The following OPHN1 variants were observed in gnomAD, a reference collection of about 807,000 sequenced individuals.
OPHN1 encodes oligophrenin 1.
A neutral mutation model predicts 60.7 loss-of-function variants in OPHN1; 11 were observed. The observed-to-expected ratio is 0.18, with a 90% CI of 0.11 to 0.30. OPHN1 has a LOEUF of 0.30. Ranked by LOEUF, OPHN1 falls within the 10% of genes least tolerant of loss-of-function variation. OPHN1 has a pLI of 1.00. For synonymous variants in OPHN1, 226 were observed against 222.6 expected (o/e 1.02, Z -0.14); for missense variants, 449 against 611.0 (o/e 0.73, Z 2.80).
intron 11 of OPHN1, among the ~76,000 whole-genome samples, chrX:68,198,196 G>A (rs1045384790): frequency 3.6e-5 from 4 of 111,630 alleles, no homozygotes; most frequent in African/African-American, 1.3e-4. Context: ...TAGGAGGTGA[G>A]TTAGTCATAA....
intron 3 of OPHN1, among the ~76,000 whole-genome samples, chrX:68,298,235 G>T (rs2147626266): frequency 9.0e-6 from 1 of 111,454 alleles, no homozygotes; most frequent in East Asian, 2.8e-4. Flanking sequence ...CCATCCAGTG[G>T]TGGTCACTAA....
intron 6 of OPHN1, among the ~76,000 whole-genome samples, chrX:68,230,346 G>A (rs2077721583): frequency 9.0e-6 from 1 of 111,703 alleles, no homozygotes; most frequent in Admixed American, 9.5e-5. Flanking sequence ...CATTGTGGAA[G>A]GCAGTGTGGT....
chrX:68,273,642 T>C (rs925397823), intron 5 of OPHN1, among the ~76,000 whole-genome samples: 1 of 111,700 alleles, frequency 9.0e-6, no homozygotes, highest in African/African-American at 3.3e-5. Context: ...AGGAGCTGAG[T>C]TGTTAATTTA....
chrX:68,212,041 A>G, intron 8 of OPHN1, 67 bp downstream of exon 8: 6 of 782,139 alleles, frequency 7.7e-6, no homozygotes, highest in South Asian at 2.2e-5. Context: ...CCAAGAATCA[A>G]GGTCGCTAGG....
At chrX:68,201,573 C>T in intron 11 of OPHN1, 46 bp downstream of exon 11, 1 of 1,039,607 alleles carries the variant, frequency 9.6e-7, no homozygotes, top group Non-Finnish European at 1.4e-6. Context: ...CCAGGCTAAG[C>T]ATCTGGCACG....
At chrX:68,169,403 C>T (rs1234104842) in intron 15 of OPHN1, among the ~76,000 whole-genome samples, 1 of 110,763 alleles carries the variant, frequency 9.0e-6, no homozygotes, top group Non-Finnish European at 1.9e-5. Context: ...CTACCAATGA[C>T]TTTCTTCACA....
At chrX:68,208,390 A>T (rs2077569725) in intron 9 of OPHN1, among the ~76,000 whole-genome samples, 1 of 111,787 alleles carries the variant, frequency 8.9e-6, no homozygotes, top group Non-Finnish European at 1.9e-5. Flanking sequence ...GTGCCCGGCC[A>T]TTCCTCCTTT....
intron 19 of OPHN1, among the ~76,000 whole-genome samples, chrX:68,093,412 T>C (rs1365497293): frequency 9.0e-6 from 1 of 111,670 alleles, no homozygotes; most frequent in African/African-American, 3.3e-5. Flanking sequence ...TGTGTGGACA[T>C]GTTTTCATTT....
At chrX:68,069,037 T>C (rs965814142) in intron 20 of OPHN1, among the ~76,000 whole-genome samples, 1 of 111,907 alleles carries the variant, frequency 8.9e-6, no homozygotes, top group Non-Finnish European at 1.9e-5. Context: ...TTTAAAATGG[T>C]GCATTTTATG....
At chrX:68,137,674 G>A (rs948614395) in intron 15 of OPHN1, among the ~76,000 whole-genome samples, 2 of 111,849 alleles carry the variant, frequency 1.8e-5, no homozygotes, top group Non-Finnish European at 3.8e-5. Flanking sequence ...ATGTATATGT[G>A]TACATATGAG....
intron 3 of OPHN1, among the ~76,000 whole-genome samples, chrX:68,290,041 TTC>T (rs1259258373): frequency 9.0e-6 from 1 of 111,636 alleles, no homozygotes; most frequent in Non-Finnish European, 1.9e-5. Context: ...AAATAATTGA[TTC>T]TTTTTTTTTT....
chrX:68,095,153 A>G (rs1159275520), intron 19 of OPHN1, among the ~76,000 whole-genome samples: 1 of 112,100 alleles, frequency 8.9e-6, no homozygotes, highest in Non-Finnish European at 1.9e-5. Context: ...TATAAACTCT[A>G]TGAAGATGAT....
At chrX:68,358,551 T>C (rs1316822528) in intron 2 of OPHN1, among the ~76,000 whole-genome samples, 1 of 111,529 alleles carries the variant, frequency 9.0e-6, no homozygotes, top group African/African-American at 3.3e-5. Context: ...TCTTTCCAAA[T>C]GATATAAAGA....
chrX:68,336,615 C>G lies in OPHN1; in HGVS notation c.155-37519G>C, dbSNP rs1010877549. Among the ~76,000 whole-genome samples, 3 of 109,621 alleles carry G rather than the reference C, an allele frequency of 2.7e-5. No homozygotes were observed. The East Asian group carries it at 8.6e-4, about 31-fold the overall frequency. On this transcript the variant is annotated intron_variant, in intron 2 of 24. Coordinates refer to ENST00000355520, the MANE Select transcript of OPHN1 (RefSeq NM_002547.3). ...GTATCTTCTTCTTTCTTCTCTTAAC[C>G]GATGTAAAAGGCAATTATATTAAAC...
At chrX:68,327,775 T>TAAAAATA (rs1295655585) in intron 2 of OPHN1, among the ~76,000 whole-genome samples, 1 of 36,069 alleles carries the variant, frequency 2.8e-5, no homozygotes, top group Non-Finnish European at 5.8e-5. Context: ...GAATGATCAA[T>TAAAAATA]AAAAATAAAA....
At chrX:68,084,524 T>C (rs751839134) in intron 19 of OPHN1, among the ~76,000 whole-genome samples, 6 of 110,390 alleles carry the variant, frequency 5.4e-5, no homozygotes, top group East Asian at 2.9e-4. Context: ...TCAGGTGATA[T>C]GAACTTAATT....
intron 5 of OPHN1, among the ~76,000 whole-genome samples, chrX:68,266,789 C>T (rs980504848): frequency 1.7e-4 from 19 of 110,984 alleles, no homozygotes; most frequent in Non-Finnish European, 2.6e-4. Flanking sequence ...ACCCATCTCT[C>T]GTGCAGAGAC....
intron 6 of OPHN1, among the ~76,000 whole-genome samples, chrX:68,225,735 A>C (rs763783433): frequency 4.5e-5 from 5 of 112,170 alleles, no homozygotes; most frequent in African/African-American, 1.3e-4. Context: ...CACCATCATC[A>C]AAGACCAAAG....
At chrX:68,354,214 G>A (rs1477828333) in intron 2 of OPHN1, among the ~76,000 whole-genome samples, 1 of 110,106 alleles carries the variant, frequency 9.1e-6, no homozygotes, top group Non-Finnish European at 1.9e-5. Context: ...GGAGGCCGAG[G>A]CTGGCAGATT....
Sources: gnomAD v4.1 joint callset for allele counts (sites outside exome capture counted in the v4.1 genomes callset) on GRCh38, gnomAD v4.1.1 for gene constraint, MANE v1.5 for transcripts, NCBI Gene and HGNC (gene_info 2026-07-23, HGNC 2026-07-21) for gene names.